Variants in BMP5 observed in about 807,000 individuals in gnomAD.
BMP5 encodes bone morphogenetic protein 5.
Under a neutral mutation model 46.6 loss-of-function variants are expected in BMP5, and 23 were observed. The observed-to-expected ratio is 0.49, with a 90% CI of 0.35 to 0.70. The LOEUF (loss-of-function observed/expected upper bound fraction) is 0.70, where lower values mean the gene tolerates loss of function less well. Among genes scored for constraint, BMP5 ranks in the 30% least tolerant of loss-of-function variants. BMP5 has a pLI of 0.00. For synonymous variants in BMP5, 204 were observed against 191.9 expected (o/e 1.06, Z -0.52); for missense variants, 545 against 565.6 (o/e 0.96, Z 0.37).
At chr6:55,835,805 C>G (rs1776780238) in intron 1 of BMP5, among the ~76,000 whole-genome samples, 1 of 152,018 alleles carries the variant, frequency 6.6e-6, no homozygotes, top group African/African-American at 2.4e-5. Flanking sequence ...TGGCAAGAGA[C>G]TAAGAAAACA....
chr6:55,805,572 G>T (rs1351702539), intron 2 of BMP5, among the ~76,000 whole-genome samples: 1 of 152,074 alleles, frequency 6.6e-6, no homozygotes, highest in African/African-American at 2.4e-5. Context: ...ATTCCCTTGG[G>T]TATATATCCA....
intron 2 of BMP5, among the ~76,000 whole-genome samples, chr6:55,795,173 A>C (rs1234162315): frequency 6.6e-6 from 1 of 152,120 alleles, no homozygotes; most frequent in African/African-American, 2.4e-5. Flanking sequence ...AAATGTATAA[A>C]CATTTGTTGA....
chr6:55,847,179 T>C (rs1293711009), intron 1 of BMP5, among the ~76,000 whole-genome samples: 2 of 151,934 alleles, frequency 1.3e-5, no homozygotes, highest in African/African-American at 4.8e-5. Flanking sequence ...GTGGTGGAAC[T>C]GAAATTCAAA....
intron 1 of BMP5, among the ~76,000 whole-genome samples, chr6:55,823,054 G>T (rs1402606349): frequency 1.3e-5 from 2 of 152,036 alleles, no homozygotes; most frequent in East Asian, 3.9e-4. Flanking sequence ...ACCTCAAACA[G>T]TAACACTAGG....
intron 4 of BMP5, among the ~76,000 whole-genome samples, chr6:55,770,738 C>T (rs1321445845): frequency 1.3e-5 from 2 of 151,824 alleles, no homozygotes; most frequent in African/African-American, 4.8e-5. Flanking sequence ...TTAAATCTTC[C>T]TTTCATTTGA....
chr6:55,874,493 G>A lies in BMP5; in HGVS notation c.373C>T (p.Arg125Cys), dbSNP rs765309406. ...GYPASPNGYP[R>C]RIQLSRTTPL... ...GTCGTCCGAGATAACTGTATGCGAC[G>A]AGGATACCCATTGGGAGAGGCTGGG... is the stretch of plus-strand genomic sequence containing the variant. The change falls in exon 1 of 7, where the codon CGT becomes TGT. Residue 125 changes from arginine (R) to cysteine (C), a missense_variant. Arg to Cys is a radical substitution (Grantham distance 180). Coordinates refer to ENST00000370830, the MANE Select transcript of BMP5 (RefSeq NM_021073.4). The A allele has an allele frequency of 1.4e-5, 23 of 1,613,420 alleles. No homozygotes were observed. In the East Asian group the frequency reaches 1.6e-4, roughly 11 times the overall value.
At chr6:55,785,653 T>C (rs1775428859) in intron 3 of BMP5, among the ~76,000 whole-genome samples, 2 of 151,768 alleles carry the variant, frequency 1.3e-5, no homozygotes, top group Admixed American at 1.3e-4. Flanking sequence ...GAATTCTCAA[T>C]GACACTTTTG....
At chr6:55,765,510 G>A (rs1182425645) in intron 4 of BMP5, among the ~76,000 whole-genome samples, 1 of 152,250 alleles carries the variant, frequency 6.6e-6, no homozygotes, top group Non-Finnish European at 1.5e-5. Context: ...ATAAATGAAT[G>A]AAGGTACAAG....
At chr6:55,824,753 T>C (rs978106520) in intron 1 of BMP5, among the ~76,000 whole-genome samples, 1 of 151,940 alleles carries the variant, frequency 6.6e-6, no homozygotes, top group African/African-American at 2.4e-5. Flanking sequence ...CTAATAATTG[T>C]ATTTAAAAGG....
rs199517435 is a variant in BMP5 at position 55,776,524 on chromosome 6, AT to A, written c.833-2282del. 4.4e-3 allele frequency among the ~76,000 whole-genome samples: 657 copies of A among 149,454 alleles called. 3 individuals are homozygous for A. Among genetic ancestry groups the A allele is most frequent in the Non-Finnish European group, 7.0e-3 (472 of 67,142 alleles). ...AGCAATCTGTTCTTTAAATTTTTTC[AT>A]TTTTTTTTTCTGTCTTGGAGTACAA... On this transcript the variant is annotated intron_variant, in intron 3 of 6. Coordinates refer to ENST00000370830, the MANE Select transcript of BMP5 (RefSeq NM_021073.4).
At chr6:55,860,589 A>G (rs1247384359) in intron 1 of BMP5, among the ~76,000 whole-genome samples, 2 of 151,398 alleles carry the variant, frequency 1.3e-5, no homozygotes, top group African/African-American at 4.8e-5. Flanking sequence ...AAAGGTAAAG[A>G]GAGAGAGAGA....
chr6:55,846,442 G>A (rs921284547), intron 1 of BMP5, among the ~76,000 whole-genome samples: 1 of 151,904 alleles, frequency 6.6e-6, no homozygotes, highest in East Asian at 1.9e-4. Context: ...TAGAAAAGAT[G>A]GCAACCTGAA....
At chr6:55,767,472 A>T (rs1013073064) in intron 4 of BMP5, among the ~76,000 whole-genome samples, 1 of 152,044 alleles carries the variant, frequency 6.6e-6, no homozygotes, top group Admixed American at 6.6e-5. Context: ...CACTTTATAC[A>T]TGAGGAAACA....
intron 1 of BMP5, among the ~76,000 whole-genome samples, chr6:55,829,887 A>G (rs1224685843): frequency 2.6e-5 from 4 of 151,928 alleles, no homozygotes; most frequent in African/African-American, 4.8e-5. Flanking sequence ...AACTGTGTAT[A>G]TGTAATATAA....
intron 1 of BMP5, among the ~76,000 whole-genome samples, chr6:55,853,564 G>A (rs1289771310): frequency 1.3e-5 from 2 of 152,082 alleles, no homozygotes; most frequent in Non-Finnish European, 1.5e-5. Flanking sequence ...TTATCCCCAT[G>A]CCTCCAGCAA....
In BMP5 at chr6:55,755,548, T is replaced by A; in HGVS notation, c.1350A>T (p.Ser450=). Residue 450 remains serine (S), a synonymous_variant, in exon 7 of 7, where the codon TCA becomes TCT. Transcript: ENST00000370830. ...TTATTTAATATTAGTGGCAGCCACA[T>A]GAGCGTACTACCATATTTCTATATT... ...LKKYRNMVVR[S]CGCH is the part of the protein sequence containing the mutation. The A allele has an allele frequency of 6.2e-7, 1 of 1,610,502 alleles. No individual in the cohort carries two copies. The highest frequency in any genetic ancestry group is 2.2e-5 in the East Asian group (1 of 44,780).
intron 3 of BMP5, among the ~76,000 whole-genome samples, chr6:55,783,444 T>C (rs1775374468): frequency 6.6e-6 from 1 of 152,024 alleles, no homozygotes; most frequent in South Asian, 2.1e-4. Context: ...AAAATTTAAC[T>C]CTCAGCAGTA....
At chr6:55,873,576 T>TA (rs1266462442) in intron 1 of BMP5, among the ~76,000 whole-genome samples, 2 of 151,948 alleles carry the variant, frequency 1.3e-5, no homozygotes, top group African/African-American at 4.8e-5. Flanking sequence ...TATCAGTATT[T>TA]AAAAACCACC....
chr6:55,798,561 A>G (rs924204000), intron 2 of BMP5, among the ~76,000 whole-genome samples: 2 of 152,118 alleles, frequency 1.3e-5, no homozygotes, highest in Admixed American at 6.6e-5. Context: ...AATTTCCTCT[A>G]TGGTTAATAA....
Sources: gnomAD v4.1 joint callset for allele counts (sites outside exome capture counted in the v4.1 genomes callset) on GRCh38, gnomAD v4.1.1 for gene constraint, MANE v1.5 for transcripts, NCBI Gene and HGNC (gene_info 2026-07-23, HGNC 2026-07-21) for gene names.